DCC: variants seen among roughly 807,000 people sequenced by gnomAD.
DCC encodes the protein DCC netrin 1 receptor.
A neutral mutation model predicts 172.5 loss-of-function variants in DCC; 58 were observed. The observed-to-expected ratio is 0.34, with a 90% CI of 0.27 to 0.42. DCC has a LOEUF of 0.42. Ranked by LOEUF, DCC falls within the 10% of genes least tolerant of loss-of-function variation. The probability of loss-of-function intolerance (pLI) is 1.00; values close to 1 mark genes in which losing one functional copy is unlikely to be tolerated. For synonymous variants in DCC, 709 were observed against 644.5 expected (o/e 1.10, Z -1.52); for missense variants, 1,740 against 1,791.0 (o/e 0.97, Z 0.51).
chr18:52,869,947 C>A (rs2039291879), intron 2 of DCC, among the ~76,000 whole-genome samples: 1 of 152,190 alleles, frequency 6.6e-6, no homozygotes, highest in Non-Finnish European at 1.5e-5. Context: ...ACAGGGAGGG[C>A]AGGGCTACAG....
intron 1 of DCC, among the ~76,000 whole-genome samples, chr18:52,453,495 A>ATGT (rs1464536971): frequency 6.6e-6 from 1 of 152,184 alleles, no homozygotes; most frequent in East Asian, 1.9e-4. Flanking sequence ...CTACCCATAA[A>ATGT]AGGTTTTCAT....
chr18:53,176,695 A>C (rs902750829), intron 8 of DCC, among the ~76,000 whole-genome samples: 13 of 151,820 alleles, frequency 8.6e-5, no homozygotes, highest in African/African-American at 3.1e-4. Flanking sequence ...GCTGGAGAGG[A>C]TGTGGAGAAA....
intron 1 of DCC, among the ~76,000 whole-genome samples, chr18:52,626,813 A>G (rs2034581661): frequency 6.6e-6 from 1 of 152,192 alleles, no homozygotes; most frequent in Non-Finnish European, 1.5e-5. Flanking sequence ...TATATAATCT[A>G]GAGAGGATTT....
intron 1 of DCC, among the ~76,000 whole-genome samples, chr18:52,355,547 C>T (rs1207561783): frequency 6.6e-6 from 1 of 152,150 alleles, no homozygotes; most frequent in Non-Finnish European, 1.5e-5. Context: ...CAGTCTTTGG[C>T]ACATATTGAG....
intron 7 of DCC, among the ~76,000 whole-genome samples, chr18:53,092,642 T>C (rs1164627305): frequency 2.0e-5 from 3 of 152,212 alleles, no homozygotes; most frequent in Non-Finnish European, 4.4e-5. Flanking sequence ...AGATCTAACA[T>C]GCATGAAAGC....
At chr18:53,023,772 C>T (rs1050711697) in intron 5 of DCC, among the ~76,000 whole-genome samples, 7 of 152,116 alleles carry the variant, frequency 4.6e-5, no homozygotes, top group African/African-American at 1.4e-4. Context: ...TGAAATTGAA[C>T]GCAGTGCCTC....
At chr18:52,341,168 TG>T (rs147107138) in intron 1 of DCC, among the ~76,000 whole-genome samples, 14,849 of 152,136 alleles carry the variant, frequency 0.098, 1,176 homozygotes, top group African/African-American at 0.22. Flanking sequence ...GCCGGCGGGC[TG>T]GGGCAGGTGC....
intron 7 of DCC, among the ~76,000 whole-genome samples, chr18:53,153,613 A>T (rs1010075526): frequency 6.6e-6 from 1 of 152,200 alleles, no homozygotes; most frequent in African/African-American, 2.4e-5. Context: ...CAATAAGACG[A>T]TTTATTATTT....
rs550473674 is a variant in DCC, at chr18:52,921,758, C to T, written c.698-1949C>T. 9.9e-5 allele frequency among the ~76,000 whole-genome samples: 15 copies of T among 150,866 alleles called. 1 individual carries two copies. Among genetic ancestry groups the T allele is most frequent in the African/African-American group, 3.6e-4 (15 of 41,238 alleles). On this transcript the variant is annotated intron_variant, in intron 3 of 28. Coordinates refer to ENST00000442544, the MANE Select transcript of DCC (RefSeq NM_005215.4). ...AAATGAAAGGAAAAAGTGTCCCTTCCATGGGTAAATTAGTAGCATCGTTGA... is the reference window on the plus strand; with the variant it reads ...AAATGAAAGGAAAAAGTGTCCCTTCTATGGGTAAATTAGTAGCATCGTTGA...
Position 53,254,631 on chromosome 18 carries a change from C to A in DCC, c.1911+39034C>A, listed in dbSNP as rs376190570. ...AAATATACATGCCAAGCCCATCACA[C>A]CCAGTTCTATTCCCATGCAGGATCC... On this transcript the variant is annotated intron_variant, in intron 12 of 28. Transcript: ENST00000442544. Among the ~76,000 whole-genome samples, 66 of 152,128 alleles carry A rather than the reference C, an allele frequency of 4.3e-4. 1 individual carries two copies. In the East Asian group the frequency reaches 6.4e-3, roughly 15 times the overall value.
At chr18:53,440,748 C>T (rs944788624) in intron 22 of DCC, among the ~76,000 whole-genome samples, 3 of 152,154 alleles carry the variant, frequency 2.0e-5, no homozygotes, top group African/African-American at 7.2e-5. Flanking sequence ...TCAGTGATTA[C>T]AAGAGACTGC....
chr18:53,376,069 C>T (rs911646908), intron 15 of DCC, among the ~76,000 whole-genome samples: 9 of 151,450 alleles, frequency 5.9e-5, no homozygotes, highest in African/African-American at 2.2e-4. Context: ...TATTTTCTAA[C>T]GTTGTTGAGA....
At chr18:53,013,997 A>G (rs892327114) in intron 5 of DCC, among the ~76,000 whole-genome samples, 5 of 152,150 alleles carry the variant, frequency 3.3e-5, no homozygotes, top group Non-Finnish European at 5.9e-5. Flanking sequence ...CCTCATGGCA[A>G]TATTAATGAA....
intron 15 of DCC, among the ~76,000 whole-genome samples, chr18:53,364,574 C>G (rs1683612145): frequency 1.3e-5 from 2 of 151,924 alleles, no homozygotes; most frequent in Admixed American, 1.3e-4. Context: ...CTTCATCGAC[C>G]ATTAAGTGGA....
intron 1 of DCC, among the ~76,000 whole-genome samples, chr18:52,569,269 C>T (rs1043443066): frequency 1.3e-5 from 2 of 152,168 alleles, no homozygotes; most frequent in African/African-American, 4.8e-5. Context: ...CTAGTATTGT[C>T]GCTTGCTAGG....
At chr18:52,592,298 A>G (rs1877531495) in intron 1 of DCC, among the ~76,000 whole-genome samples, 1 of 152,176 alleles carries the variant, frequency 6.6e-6, no homozygotes, top group Admixed American at 6.5e-5. Flanking sequence ...GAAAGAAAGG[A>G]GCATTTCAGA....
intron 2 of DCC, chr18:52,757,252 G>A (rs148628691): frequency 3.1e-4 from 47 of 152,190 alleles, no homozygotes; most frequent in African/African-American, 1.1e-3. Flanking sequence ...ACATGTACAG[G>A]GCACTCCTCT....
At chr18:52,838,217 TTTTA>T (rs1158488402) in intron 2 of DCC, among the ~76,000 whole-genome samples, 16 of 152,314 alleles carry the variant, frequency 1.1e-4, no homozygotes, top group African/African-American at 3.6e-4. Context: ...TTTATAAAAT[TTTTA>T]TTTGAGGCTT....
intron 1 of DCC, among the ~76,000 whole-genome samples, chr18:52,717,171 A>T (rs80190499): frequency 6.6e-6 from 1 of 152,208 alleles, no homozygotes; most frequent in Non-Finnish European, 1.5e-5. Flanking sequence ...TGTAAACAGG[A>T]TGAGGAAGAG....
Sources: allele counts gnomAD v4.1 joint callset (sites outside exome capture counted in the v4.1 genomes callset), GRCh38; gene constraint gnomAD v4.1.1; transcripts MANE v1.5; gene names NCBI Gene and HGNC (gene_info 2026-07-23, HGNC 2026-07-21).